The following FSCB variants were observed in gnomAD, a reference collection of about 807,000 sequenced individuals.
The protein encoded by FSCB is fibrous sheath CABYR binding protein.
For synonymous variants in FSCB, 331 were observed against 336.6 expected, an observed-to-expected ratio of 0.98 and a Z score of 0.18; for missense variants, 975 against 934.8, an observed-to-expected ratio of 1.04 and a Z score of -0.56.
rs768666313 is a variant in FSCB at position 44,506,935 on chromosome 14, G to A, written c.53C>T (p.Ala18Val). 1 of 1,601,534 alleles carries A rather than the reference G, an allele frequency of 6.2e-7. No individual in the cohort carries two copies. Among genetic ancestry groups the A allele is most frequent in the Non-Finnish European group, 8.5e-7 (1 of 1,171,400 alleles). Residue 18 changes from alanine to valine, a missense_variant, in exon 1 of 1, where the codon GCC becomes GTC. By Grantham distance (64) the Ala-to-Val change is moderately conservative (BLOSUM62 0). Transcript: ENST00000340446. The part of the protein sequence containing the change: ...TDVIEKKKHM[A>V]IPKSSSPKAT... Reference sequence around the variant, plus strand: ...TTTGGGGCTAGATGATTTTGGTATGGCCATGTGTTTCTTTTTCTCTATTAC... The same window carrying A: ...TTTGGGGCTAGATGATTTTGGTATGACCATGTGTTTCTTTTTCTCTATTAC...
At position 44,505,216 on chromosome 14, in the gene FSCB, G is replaced by A. The variant is rs762969085; in HGVS notation, c.1772C>T (p.Ala591Val). 8 of 1,612,710 alleles carry A rather than the reference G, an allele frequency of 5.0e-6. No individual in the cohort carries two copies. The South Asian group carries it at 6.6e-5, about 13-fold the overall frequency. Residue 591 changes from alanine to valine, a missense_variant, in exon 1 of 1, where the codon GCT (alanine) becomes GTT (valine). Coordinates refer to ENST00000340446, the MANE Select transcript of FSCB (RefSeq NM_032135.4). ...GEETTAEEAS[A>V]AIQLLAATEA... ...TGTAGCTGCTAGAAGCTGAATTGCA[G>A]CAGAGGCCTCTTCTGCAGTGGTCTC...
At position 44,507,066 on chromosome 14, in the gene FSCB, C is replaced by T; in HGVS notation, c.-79G>A. 9.2e-7 allele frequency: 1 copy of T among 1,082,240 alleles called. No individual in the cohort carries two copies. Among genetic ancestry groups the T allele is most frequent in the Non-Finnish European group, 1.3e-6 (1 of 756,806 alleles). 67.0% of individuals were successfully genotyped at this position (1,082,240 alleles called of 1,614,324 possible). On this transcript the variant is annotated 5_prime_UTR_variant, in exon 1 of 1. The change abolishes an upstream ATG in the 5' untranslated region. Transcript: ENST00000340446. ...GCTGATTAGAGTCATCACTTTCTTC[C>T]ATTTCTAAGAGTAGTGATTTCAAAC...
chr14:44,504,883 G>A lies in FSCB; in HGVS notation c.2105C>T (p.Pro702Leu), dbSNP rs1246721048. 2 of 1,614,034 alleles carry A rather than the reference G, an allele frequency of 1.2e-6. No homozygotes were observed. Among genetic ancestry groups the A allele is most frequent in the Non-Finnish European group, 1.7e-6 (2 of 1,180,046 alleles). ...TTCTGCAGGGACATCATCAGCTGGG[G>A]GAGAGTGTACTGCAGCAAGGGTCTC... is the stretch of plus-strand genomic sequence containing the variant. ...IEETLAAVHS[P>L]PADDVPAEEA... Residue 702 changes from proline to leucine, a missense_variant, in exon 1 of 1, where the codon CCC becomes CTC. Coordinates refer to ENST00000340446, the MANE Select transcript of FSCB (RefSeq NM_032135.4).
Position 44,506,711 on chromosome 14 carries a change from C to G in FSCB, c.277G>C (p.Val93Leu). ...KEVKLVEETV[V>L]PEEKSADVRE... is the part of the protein sequence containing the mutation. Reference sequence around the variant, plus strand: ...ACATCAGCTGACTTTTCTTCAGGTACCACGGTTTCCTCAACTAACTTGACT... The same window carrying G: ...ACATCAGCTGACTTTTCTTCAGGTAGCACGGTTTCCTCAACTAACTTGACT... The change falls in exon 1 of 1, where the codon GTA becomes CTA. Residue 93 changes from valine to leucine, a missense_variant. Transcript: ENST00000340446. 1 of 1,614,162 alleles carries G rather than the reference C, an allele frequency of 6.2e-7. No individual in the cohort carries two copies. The highest frequency in any genetic ancestry group is 8.5e-7 in the Non-Finnish European group (1 of 1,180,024).
Position 44,504,620 on chromosome 14 carries a change from T to C in FSCB, c.2368A>G (p.Ile790Val), listed in dbSNP as rs777214234. The C allele has an allele frequency of 2.5e-6, 4 of 1,614,198 alleles. No homozygotes were observed. The South Asian group carries it at 4.4e-5, about 18-fold the overall frequency. Reference protein sequence around the residue: ...GEAKFEEVSKINSVLKDLSNT... With the variant: ...GEAKFEEVSKVNSVLKDLSNT... Reference sequence around the variant, plus strand: ...GACAAATCTTTAAGGACAGAATTGATTTTTGAAACCTCTTCAAATTTTGCT... The same window carrying C: ...GACAAATCTTTAAGGACAGAATTGACTTTTGAAACCTCTTCAAATTTTGCT... Residue 790 changes from isoleucine (I) to valine (V), a missense_variant, in exon 1 of 1, where the codon ATC (isoleucine) becomes GTC (valine). Physicochemically the swap from Ile to Val is conservative, Grantham distance 29 (BLOSUM62 3). Transcript: ENST00000340446.
chr14:44,504,514 A>G lies in FSCB; in HGVS notation c.2474T>C (p.Leu825Pro), dbSNP rs1881012673. ...HIELKQRPPE[L>P] is the part of the protein sequence containing the mutation. The stretch of plus-strand genomic sequence containing the variant: ...GCTAGCTTAGGTACAACCTGACTAC[A>G]GTTCAGGAGGACGTTGTTTTAATTC... The change falls in exon 1 of 1, where the codon CTG becomes CCG. Residue 825 changes from leucine to proline, a missense_variant. By Grantham distance (98) the Leu-to-Pro change is moderately conservative. Transcript: ENST00000340446. 3 of 1,596,604 alleles carry G rather than the reference A, an allele frequency of 1.9e-6. No homozygotes were observed. The highest frequency in any genetic ancestry group is 2.2e-5 in the East Asian group (1 of 44,746).
In FSCB at chr14:44,504,776, C is replaced by T. The variant is rs374410455; in HGVS notation, c.2212G>A (p.Val738Ile). 2 of 1,614,108 alleles carry T rather than the reference C, an allele frequency of 1.2e-6. No individual in the cohort carries two copies. Among genetic ancestry groups the T allele is most frequent in the Non-Finnish European group, 1.7e-6 (2 of 1,180,052 alleles). ...GTTTGTTCAGATGGTGGAGGTGAAACTTCAGCAGAGGCCTCTCCTATAGGA... is the reference window on the plus strand; with the variant it reads ...GTTTGTTCAGATGGTGGAGGTGAAATTTCAGCAGAGGCCTCTCCTATAGGA... ...EFPIGEASAEVSPPPSEQTPE... is the reference protein window; with the variant it reads ...EFPIGEASAEISPPPSEQTPE... Residue 738 changes from valine (V) to isoleucine (I), a missense_variant, in exon 1 of 1, where the codon GTT (valine) becomes ATT (isoleucine). By Grantham distance (29) the Val-to-Ile change is conservative. Coordinates refer to ENST00000340446, the MANE Select transcript of FSCB (RefSeq NM_032135.4).
chr14:44,505,677 A>G lies in FSCB; in HGVS notation c.1311T>C (p.Ala437=), dbSNP rs747847580. 1 of 1,613,656 alleles carries G rather than the reference A, an allele frequency of 6.2e-7. No individual in the cohort carries two copies. The highest frequency in any genetic ancestry group is 8.5e-7 in the Non-Finnish European group (1 of 1,179,992). ...TAGCTGTTGAAAGCTGAAGTTCTCG[A>G]GCCTCTTCTCTAGGAGCCTCTTCAG... ...LLPEEAPREE[A]RELQLSTAME... is the part of the protein sequence containing the mutation. The change falls in exon 1 of 1, where the codon GCT becomes GCC. Residue 437 remains alanine, a synonymous_variant. Transcript: ENST00000340446.
Position 44,506,351 on chromosome 14 carries a change from T to A in FSCB, c.637A>T (p.Ile213Phe), listed in dbSNP as rs774628287. Residue 213 changes from isoleucine (I) to phenylalanine (F), a missense_variant, in exon 1 of 1, where the codon ATC becomes TTC. By Grantham distance (21) the Ile-to-Phe change is conservative (BLOSUM62 0). Transcript: ENST00000340446. ...TCCTGAGTAAATGAAGTTCTGCTGA[T>A]ATTTTTCTGCCCAATTTCTTCATTG... ...NSNEEIGQKN[I>F]SRTSFTQETK... The A allele has an allele frequency of 6.2e-7, 1 of 1,614,240 alleles. No homozygotes were observed. The highest frequency in any genetic ancestry group is 8.5e-7 in the Non-Finnish European group (1 of 1,180,048).
Position 44,506,809 on chromosome 14 carries a change from G to T in FSCB, c.179C>A (p.Thr60Lys), listed in dbSNP as rs1478200591. 3 of 1,613,856 alleles carry T rather than the reference G, an allele frequency of 1.9e-6. No homozygotes were observed. Among genetic ancestry groups the T allele is most frequent in the East Asian group, 2.2e-5 (1 of 44,884 alleles). ...RVSSELQQTW[T>K]KRKHGQEMTS... ...CATTTCCTGTCCATGCTTTCTCTTT[G>T]TCCAAGTTTGCTGAAGCTCAGAAGA... Residue 60 changes from threonine (T) to lysine (K), a missense_variant, in exon 1 of 1, where the codon ACA (threonine) becomes AAA (lysine). Thr to Lys is a moderately conservative substitution (Grantham distance 78). Transcript: ENST00000340446.
Position 44,504,478 on chromosome 14 carries a change from A to T in FSCB, c.*32T>A. The stretch of plus-strand genomic sequence containing the variant: ...AAAGTATGTTCTTCCAAAACCATGT[A>T]GCTTCTGATTGCTAGCTTAGGTACA... On this transcript the variant is annotated 3_prime_UTR_variant, in exon 1 of 1. Transcript: ENST00000340446. The T allele has an allele frequency of 6.6e-7, 1 of 1,507,638 alleles. No homozygotes were observed. The highest frequency in any genetic ancestry group is 9.0e-7 in the Non-Finnish European group (1 of 1,113,758). The allele number at this position is 1,507,638 out of a possible 1,614,324, so 93.4% of individuals were successfully genotyped here. A position where few individuals can be genotyped will look rare whatever the true frequency, so the allele number is the denominator to read the frequency against.
In FSCB at chr14:44,507,040, G is replaced by T; in HGVS notation, c.-53C>A. 1 of 1,329,872 alleles carries T rather than the reference G, an allele frequency of 7.5e-7. No homozygotes were observed. Among genetic ancestry groups the T allele is most frequent in the Non-Finnish European group, 1.0e-6 (1 of 965,160 alleles). 82.4% of individuals were successfully genotyped at this position (1,329,872 alleles called of 1,614,324 possible). ...AATTTCTTGCCTACACGCTGAGATA[G>T]GCTGATTAGAGTCATCACTTTCTTC... On this transcript the variant is annotated 5_prime_UTR_variant, in exon 1 of 1. Transcript: ENST00000340446.
At chr14:44,504,625 G>C in the FSCB span, 2 of 1,614,014 alleles carry the variant, frequency 1.2e-6, no homozygotes, top group Admixed American at 3.3e-5. Context: ...ATTGATTTTT[G>C]AAACCTCTTC....
chr14:44,504,799 G>A lies in FSCB; in HGVS notation c.2189C>T (p.Pro730Leu), dbSNP rs1594609746. Reference protein sequence around the residue: ...PADLLLTEEFPIGEASAEVSP... With the variant: ...PADLLLTEEFLIGEASAEVSP... ...AACTTCAGCAGAGGCCTCTCCTATA[G>A]GAAACTCCTCAGTCAGAAGCAAATC... Residue 730 changes from proline (P) to leucine (L), a missense_variant, in exon 1 of 1, where the codon CCT becomes CTT. Physicochemically the swap from Pro to Leu is moderately conservative, Grantham distance 98 (BLOSUM62 -3). Transcript: ENST00000340446. 5.6e-6 allele frequency: 9 copies of A among 1,614,176 alleles called. No individual in the cohort carries two copies. Among genetic ancestry groups the A allele is most frequent in the Non-Finnish European group, 7.6e-6 (9 of 1,180,038 alleles).
At position 44,507,202 on chromosome 14, in the gene FSCB, A is replaced by G. The variant is rs571178512; in HGVS notation, c.-215T>C. 8.0e-6 allele frequency: 4 copies of G among 501,176 alleles called. No individual in the cohort carries two copies. The highest frequency in any genetic ancestry group is 1.4e-5 in the Non-Finnish European group (4 of 276,832). 31.0% of individuals were successfully genotyped at this position (501,176 alleles called of 1,614,324 possible). ...TCCCTCAGAAAAAAAGTAATTCATAAGCTATTGCATTCCATACTACACTCT... is the reference window on the plus strand; with the variant it reads ...TCCCTCAGAAAAAAAGTAATTCATAGGCTATTGCATTCCATACTACACTCT... On this transcript the variant is annotated 5_prime_UTR_variant, in exon 1 of 1. Transcript: ENST00000340446.
In FSCB at chr14:44,505,283, T is replaced by C. The variant is rs758919849; in HGVS notation, c.1705A>G (p.Ile569Val). The change falls in exon 1 of 1, where the codon ATA becomes GTA. Residue 569 changes from isoleucine (I) to valine (V), a missense_variant. By Grantham distance (29) the Ile-to-Val change is conservative. Transcript: ENST00000340446. ...TGAAGCTCAAGAGGGGCCTCTTCTA[T>C]AGAAACTCCCTTAGCTGATGGAGAC... The part of the protein sequence containing the change: ...VQSPSAKGVS[I>V]EEAPLELQPP... 1.9e-6 allele frequency: 3 copies of C among 1,609,798 alleles called. No homozygotes were observed. Among genetic ancestry groups the C allele is most frequent in the East Asian group, 2.2e-5 (1 of 44,590 alleles).
Position 44,505,628 on chromosome 14 carries a change from G to C in FSCB, c.1360C>G (p.Pro454Ala). 1 of 1,613,402 alleles carries C rather than the reference G, an allele frequency of 6.2e-7. No individual in the cohort carries two copies. Among genetic ancestry groups the C allele is most frequent in the South Asian group, 1.1e-5 (1 of 91,008 alleles). Residue 454 changes from proline (P) to alanine (A), a missense_variant, in exon 1 of 1, where the codon CCT (proline) becomes GCT (alanine). Physicochemically the swap from Pro to Ala is conservative, Grantham distance 27 (BLOSUM62 -1). Transcript: ENST00000340446. Reference sequence around the variant, plus strand: ...GGTAATGGAGACTGAAATTCAGTAGGAGCCTCTTCTGCAGGGGTCTCCATA... The same window carrying C: ...GGTAATGGAGACTGAAATTCAGTAGCAGCCTCTTCTGCAGGGGTCTCCATA... ...TAMETPAEEA[P>A]TEFQSPLPKE...
Position 44,504,396 on chromosome 14 carries a change from G to A in FSCB, c.*114C>T. The stretch of plus-strand genomic sequence containing the variant: ...TTTCCAACCTGTATTCCAAGTCTTG[G>A]GGTCCCCTTTAATTTGCCTTATTGA... On this transcript the variant is annotated 3_prime_UTR_variant, in exon 1 of 1. Transcript: ENST00000340446. 3.0e-6 allele frequency: 2 copies of A among 662,138 alleles called. No individual in the cohort carries two copies. Among genetic ancestry groups the A allele is most frequent in the East Asian group, 5.7e-5 (2 of 35,326 alleles). 41.0% of individuals were successfully genotyped at this position (662,138 alleles called of 1,614,324 possible).
chr14:44,504,751 G>T lies in FSCB; in HGVS notation c.2237C>A (p.Thr746Asn), dbSNP rs1231327629. 1.2e-6 allele frequency: 2 copies of T among 1,614,192 alleles called. No individual in the cohort carries two copies. The highest frequency in any genetic ancestry group is 1.1e-5 in the South Asian group (1 of 91,086). The change falls in exon 1 of 1, where the codon ACC (threonine) becomes AAC (asparagine). Residue 746 changes from threonine to asparagine, a missense_variant. Thr to Asn is a moderately conservative substitution (Grantham distance 65). Coordinates refer to ENST00000340446, the MANE Select transcript of FSCB (RefSeq NM_032135.4). The part of the protein sequence containing the change: ...AEVSPPPSEQ[T>N]PEDEALVENV... Reference sequence around the variant, plus strand: ...CTCTACCAGAGCCTCATCTTCAGGGGTTTGTTCAGATGGTGGAGGTGAAAC... The same window carrying T: ...CTCTACCAGAGCCTCATCTTCAGGGTTTTGTTCAGATGGTGGAGGTGAAAC...
Sources: gnomAD v4.1 joint callset for allele counts on GRCh38, gnomAD v4.1.1 for gene constraint, MANE v1.5 for transcripts, NCBI Gene and HGNC (gene_info 2026-07-23, HGNC 2026-07-21) for gene names.